The following HERC2 variants were observed in gnomAD, a reference collection of about 807,000 sequenced individuals.
HERC2 encodes HECT and RLD domain containing E3 ubiquitin protein ligase 2.
Under a neutral mutation model 537.7 loss-of-function variants are expected in HERC2, and 102 were observed. The observed-to-expected ratio is 0.19, with a 90% CI of 0.16 to 0.22. The LOEUF (loss-of-function observed/expected upper bound fraction) is 0.22, where lower values mean the gene tolerates loss of function less well. HERC2 is among the 10% of genes least tolerant of loss of function. The probability of loss-of-function intolerance (pLI) is 1.00; values close to 1 mark genes in which losing one functional copy is unlikely to be tolerated. For missense variants in HERC2, 4,236 were observed against 6,198.2 expected, an observed-to-expected ratio of 0.68 and a Z score of 10.63; for synonymous variants, 2,224 against 2,466.2, an observed-to-expected ratio of 0.90 and a Z score of 2.91.
intron 78 of HERC2, among the ~76,000 whole-genome samples, chr15:28,140,180 T>C (rs1486873800): frequency 1.3e-5 from 2 of 152,002 alleles, no homozygotes; most frequent in African/African-American, 4.8e-5. Context: ...GAAGGAAACA[T>C]GCCTAATCTG....
chr15:28,183,185 T>C (rs911728238), intron 56 of HERC2, among the ~76,000 whole-genome samples: 2 of 152,106 alleles, frequency 1.3e-5, no homozygotes, highest in Non-Finnish European at 2.9e-5. Context: ...TCTCCTGACC[T>C]GCCCTCAACA....
intron 20 of HERC2, among the ~76,000 whole-genome samples, chr15:28,253,496 T>C (rs1458111663): frequency 6.6e-6 from 1 of 152,208 alleles, no homozygotes; most frequent in East Asian, 1.9e-4. Flanking sequence ...AACTTCTGAG[T>C]ATCATCACAC....
chr15:28,112,191 C>T (rs1433174037), intron 92 of HERC2, among the ~76,000 whole-genome samples, 156 bp from the exon 93 acceptor site: 1 of 152,138 alleles, frequency 6.6e-6, no homozygotes, highest in Non-Finnish European at 1.5e-5. Context: ...TAACGAGGAG[C>T]AATTAATTCC....
At chr15:28,310,407 T>G (rs1276346295) in intron 2 of HERC2, among the ~76,000 whole-genome samples, 1 of 152,070 alleles carries the variant, frequency 6.6e-6, no homozygotes, top group Non-Finnish European at 1.5e-5. Context: ...ATCACTCCAC[T>G]GTACTCCAGC....
Position 28,142,842 on chromosome 15 carries a change from G to T in HERC2, c.11529C>A (p.His3843Gln), listed in dbSNP as rs1221728186. 1 of 1,572,264 alleles carries T rather than the reference G, an allele frequency of 6.4e-7. No homozygotes were observed. The highest frequency in any genetic ancestry group is 8.7e-7 in the Non-Finnish European group (1 of 1,149,700). Residue 3843 changes from histidine to glutamine, a missense_variant, in exon 75 of 93, where the codon CAC becomes CAA. Around this residue, in one of 27 missense-constraint regions of HERC2, gnomAD observed 23 missense variants for 60.0 expected, o/e 0.38. Transcript: ENST00000261609. ...PIVRGGKQLLHSPFFKVLVAL... is the reference protein window; with the variant it reads ...PIVRGGKQLLQSPFFKVLVAL... ...GAAACATTACCTTAAAGAATGGGCT[G>T]TGGAGCAGCTGTTTGCCACCCCTCA... is the stretch of plus-strand genomic sequence containing the variant.
intron 35 of HERC2, among the ~76,000 whole-genome samples, chr15:28,225,432 T>C (rs1411766583): frequency 6.6e-6 from 1 of 152,038 alleles, no homozygotes; most frequent in Non-Finnish European, 1.5e-5. Context: ...TCAAGGTGGC[T>C]CACGCCTGTA....
At chr15:28,292,613 T>C (rs1236184458) in intron 4 of HERC2, among the ~76,000 whole-genome samples, 2 of 151,698 alleles carry the variant, frequency 1.3e-5, no homozygotes, top group African/African-American at 4.8e-5. Flanking sequence ...GCCAGGAGTA[T>C]AAGACCAGCC....
intron 2 of HERC2, among the ~76,000 whole-genome samples, chr15:28,308,821 C>T (rs1243460328): frequency 6.6e-6 from 1 of 152,138 alleles, no homozygotes; most frequent in Non-Finnish European, 1.5e-5. Flanking sequence ...GGTTTTTATC[C>T]TTCTGTTGAC....
chr15:28,255,622 G>A (rs755934673), intron 19 of HERC2, among the ~76,000 whole-genome samples: 25 of 152,310 alleles, frequency 1.6e-4, no homozygotes, highest in African/African-American at 5.1e-4. Context: ...TCCGGGTAAC[G>A]GGAATGGTCT....
chr15:28,313,312 G>A (rs1596467322), intron 2 of HERC2, among the ~76,000 whole-genome samples: 1 of 152,038 alleles, frequency 6.6e-6, no homozygotes, highest in Admixed American at 6.5e-5. Context: ...CGAGTAGCTG[G>A]GACTACAGGC....
chr15:28,139,247 G>A (rs1179988416), intron 78 of HERC2, among the ~76,000 whole-genome samples: 5 of 152,224 alleles, frequency 3.3e-5, no homozygotes, highest in Non-Finnish European at 7.3e-5. Context: ...GGCAAGAACT[G>A]GAGTGTGGTC....
chr15:28,238,779 A>G lies in HERC2; in HGVS notation c.3578-7T>C. ...TGACCTGTAAAAAATGACTCTGTAT[A>G]TACAGAAACCAGAATCAGTCCATTG... is the stretch of plus-strand genomic sequence containing the variant. On this transcript the variant is annotated splice_region_variant and splice_polypyrimidine_tract_variant and intron_variant, in intron 23 of 92. Transcript: ENST00000261609. 1 of 1,600,402 alleles carries G rather than the reference A, an allele frequency of 6.2e-7. No individual in the cohort carries two copies. The highest frequency in any genetic ancestry group is 8.6e-7 in the Non-Finnish European group (1 of 1,169,292).
At chr15:28,242,966 G>A (rs936728606) in intron 23 of HERC2, among the ~76,000 whole-genome samples, 45 of 152,122 alleles carry the variant, frequency 3.0e-4, no homozygotes, top group African/African-American at 9.9e-4. Flanking sequence ...TGTGAAATCT[G>A]GAAAGCTTTT....
At chr15:28,190,941 T>C in intron 55 of HERC2, 24 bp downstream of exon 55, 1 of 1,496,316 alleles carries the variant, frequency 6.7e-7, no homozygotes, top group Non-Finnish European at 9.3e-7. Context: ...ATCATCCAAA[T>C]GGAACACTAG....
intron 2 of HERC2, among the ~76,000 whole-genome samples, chr15:28,310,834 T>C (rs12442229): frequency 0.088 from 13,219 of 150,740 alleles, 3 homozygotes; most frequent in East Asian, 0.43. Flanking sequence ...TCCCAGCACT[T>C]TGGGAGGCCG....
chr15:28,113,252 A>T lies in HERC2; in HGVS notation c.14051T>A (p.Leu4684His). The T allele has an allele frequency of 2.5e-6, 4 of 1,614,112 alleles. No homozygotes were observed. In the South Asian group the frequency reaches 4.4e-5, roughly 18 times the overall value. The change falls in exon 92 of 93, where the codon CTT becomes CAT. Residue 4684 changes from leucine to histidine, a missense_variant. Physicochemically the swap from Leu to His is moderately conservative, Grantham distance 99. Transcript: ENST00000261609. This position sits in a 1 kb window ranked among gnomAD's most constrained non-coding sequence, Gnocchi z 7.0. ...VCGSPDIPLH[L>H]LKSVATYKGI... ...TTTATAGGTGGCCACCGACTTGAGAAGGTGCAGCGGGATGTCAGGGCTGCC... is the reference window on the plus strand; with the variant it reads ...TTTATAGGTGGCCACCGACTTGAGATGGTGCAGCGGGATGTCAGGGCTGCC...
intron 80 of HERC2, 103 bp downstream of exon 80, chr15:28,132,550 G>T: frequency 8.6e-7 from 1 of 1,162,618 alleles, no homozygotes; most frequent in Non-Finnish European, 1.1e-6. Context: ...GGGCCTTCTA[G>T]AAGCCAAAGC....
At chr15:28,279,611 A>G (rs1307409604) in intron 5 of HERC2, among the ~76,000 whole-genome samples, 5 of 141,850 alleles carry the variant, frequency 3.5e-5, no homozygotes, top group African/African-American at 1.4e-4. Flanking sequence ...GCAAGACCCC[A>G]TCTCCACACA....
chr15:28,249,567 T>G (rs1904068994), intron 20 of HERC2, among the ~76,000 whole-genome samples: 1 of 152,132 alleles, frequency 6.6e-6, no homozygotes, highest in South Asian at 2.1e-4. Flanking sequence ...GGTAATGGAA[T>G]GTCAGGCTGT....
Sources: gnomAD v4.1 joint callset for allele counts (sites outside exome capture counted in the v4.1 genomes callset) on GRCh38, gnomAD v4.1.1 for gene constraint, gnomAD v4.1.1 regional missense constraint, Gnocchi (gnomAD v3.1) non-coding constraint, MANE v1.5 for transcripts, NCBI Gene and HGNC (gene_info 2026-07-23, HGNC 2026-07-21) for gene names.